The following SMARCAL1 variants were observed in gnomAD, a reference collection of about 807,000 sequenced individuals.
SMARCAL1 encodes the protein SNF2 related chromatin remodeling annealing helicase 1.
In SMARCAL1, 58 loss-of-function variants were observed where a neutral mutation model predicts 94.5. The ratio of observed to expected loss-of-function variants is 0.61; its 90% CI spans 0.50 to 0.76. The LOEUF (loss-of-function observed/expected upper bound fraction) is 0.76. SMARCAL1 is among the 30% of genes least tolerant of loss of function. The pLI, the probability that SMARCAL1 is intolerant of heterozygous loss-of-function variation, is 0.00. For missense variants in SMARCAL1, 1,051 were observed against 1,177.9 expected, an observed-to-expected ratio of 0.89 and a Z score of 1.58; for synonymous variants, 422 against 455.1, an observed-to-expected ratio of 0.93 and a Z score of 0.93.
At chr2:216,457,441 A>G (rs1263502001) in intron 12 of SMARCAL1, among the ~76,000 whole-genome samples, 2 of 152,248 alleles carry the variant, frequency 1.3e-5, no homozygotes, top group Non-Finnish European at 2.9e-5. Context: ...AGTTGGAAGT[A>G]AAGCACTCCT....
intron 14 of SMARCAL1, among the ~76,000 whole-genome samples, chr2:216,474,904 G>A (rs183431417): frequency 7.5e-4 from 114 of 152,242 alleles, no homozygotes; most frequent in African/African-American, 2.4e-3. Flanking sequence ...GTGAATATAT[G>A]AAAACCTACA....
chr2:216,451,194 A>C (rs909064400), intron 12 of SMARCAL1, 130 bp downstream of exon 12: 4 of 769,436 alleles, frequency 5.2e-6, no homozygotes, highest in African/African-American at 5.2e-5. Context: ...TTCCCTAGGC[A>C]AGAACAGCAA....
chr2:216,420,597 T>A, intron 5 of SMARCAL1, 65 bp downstream of exon 5: 1 of 1,282,522 alleles, frequency 7.8e-7, no homozygotes. Context: ...ACATAGGGTG[T>A]TTTTCTCTAC....
intron 11 of SMARCAL1, among the ~76,000 whole-genome samples, chr2:216,448,639 A>T (rs547400126): frequency 1.5e-3 from 229 of 152,294 alleles, no homozygotes; most frequent in Admixed American, 3.0e-3. Context: ...TTTTTCAATT[A>T]AAGCTTGTTG....
At chr2:216,430,576 C>G (rs1693940309) in intron 7 of SMARCAL1, among the ~76,000 whole-genome samples, 1 of 152,146 alleles carries the variant, frequency 6.6e-6, no homozygotes. Context: ...GTTATTGTTC[C>G]TCTGTTATCC....
chr2:216,416,439 A>G, intron 4 of SMARCAL1, 132 bp downstream of exon 4: 1 of 752,878 alleles, frequency 1.3e-6, no homozygotes, highest in South Asian at 1.4e-5. Context: ...CCCCCCCAAC[A>G]CTCCTTCCCA....
intron 11 of SMARCAL1, among the ~76,000 whole-genome samples, chr2:216,450,013 G>A (rs1483793051): frequency 6.6e-6 from 1 of 151,996 alleles, no homozygotes; most frequent in African/African-American, 2.4e-5. Flanking sequence ...ATTTTTGTAT[G>A]TTTAGTAGAG....
chr2:216,446,529 A>G (rs1367640904), intron 10 of SMARCAL1: 2 of 364,376 alleles, frequency 5.5e-6, no homozygotes, highest in Non-Finnish European at 1.1e-5. Context: ...TTCAACTTGC[A>G]TGTCACAGAT....
rs118130604 is a variant in SMARCAL1 at position 216,449,483 on chromosome 2, A to G, written c.1852-1363A>G. ...TGAGCTCATTTGCAAACCACTAACT[A>G]TCTGAAGGCATTTGCTGAGAACTTC... On this transcript the variant is annotated intron_variant, in intron 11 of 17. Transcript: ENST00000357276. Among the ~76,000 whole-genome samples the G allele has an allele frequency of 2.9e-4, 44 of 152,246 alleles. No individual in the cohort carries two copies. The East Asian group carries it at 8.3e-3, about 29-fold the overall frequency.
At chr2:216,426,271 G>T (rs970710352) in intron 6 of SMARCAL1, among the ~76,000 whole-genome samples, 4 of 152,210 alleles carry the variant, frequency 2.6e-5, no homozygotes, top group African/African-American at 9.7e-5. Context: ...GACTTTTATG[G>T]AATGACAAAA....
chr2:216,421,670 T>C (rs1693725131), intron 5 of SMARCAL1, among the ~76,000 whole-genome samples: 1 of 152,168 alleles, frequency 6.6e-6, no homozygotes, highest in Admixed American at 6.5e-5. Context: ...TCTGGACTCC[T>C]GGGTGTCATT....
intron 4 of SMARCAL1, among the ~76,000 whole-genome samples, chr2:216,417,185 G>T (rs1693621138): frequency 1.3e-5 from 2 of 152,206 alleles, no homozygotes; most frequent in Admixed American, 1.3e-4. Context: ...GGGAAAGGTG[G>T]TTTGGGCCAG....
In SMARCAL1 at chr2:216,475,180, G is replaced by T; in HGVS notation, c.2245-89G>T. 7.3e-7 allele frequency: 1 copy of T among 1,362,600 alleles called. No individual in the cohort carries two copies. The allele number at this position is 1,362,600 out of a possible 1,614,324, so 84.4% of individuals were successfully genotyped here. A position where few individuals can be genotyped will look rare whatever the true frequency, so the allele number is the denominator to read the frequency against. ...AGGGGCCTCTGCTGAGCTGGAACCT[G>T]GTTCTGTGCTGGAGCTGTGGCTGGG... is the stretch of plus-strand genomic sequence containing the variant. On this transcript the variant is annotated intron_variant, in intron 14 of 17. Transcript: ENST00000357276. This position sits in a 1 kb window ranked among gnomAD's most constrained non-coding sequence, Gnocchi z 4.4.
In SMARCAL1 at chr2:216,421,138, G is replaced by C. The variant is rs377127636; in HGVS notation, c.1096+606G>C. 1.6e-4 allele frequency among the ~76,000 whole-genome samples: 24 copies of C among 152,234 alleles called. No individual in the cohort carries two copies. The East Asian group carries it at 4.4e-3, about 28-fold the overall frequency. On this transcript the variant is annotated intron_variant, in intron 5 of 17. Transcript: ENST00000357276. ...ATCACAGGGCCACTTCAAAAGCACCGATGCCTGGTTCTTACCCAGAGATGT... is the reference window on the plus strand; with the variant it reads ...ATCACAGGGCCACTTCAAAAGCACCCATGCCTGGTTCTTACCCAGAGATGT...
intron 6 of SMARCAL1, 55 bp from the exon 7 acceptor site, chr2:216,428,541 C>T (rs1055190913): frequency 1.9e-6 from 3 of 1,552,876 alleles, no homozygotes; most frequent in Non-Finnish European, 2.7e-6. Context: ...TCCTCTTTCT[C>T]CAAATCTTTT....
In SMARCAL1 at chr2:216,445,607, A is replaced by T. The variant is rs573056186; in HGVS notation, c.1711-1411A>T. ...TTTTCTCTTTTTGATAAAACTTTTC[A>T]TTTTCCCCTTTTTCATTGAAATGAT... On this transcript the variant is annotated intron_variant, in intron 10 of 17. Coordinates refer to ENST00000357276, the MANE Select transcript of SMARCAL1 (RefSeq NM_014140.4). 1.3e-4 allele frequency among the ~76,000 whole-genome samples: 14 copies of T among 110,654 alleles called. No individual in the cohort carries two copies. In the East Asian group the frequency reaches 3.5e-3, roughly 27 times the overall value. 72.6% of individuals were successfully genotyped at this position (110,654 alleles called of 152,430 possible).
In SMARCAL1 at chr2:216,424,260, G is replaced by T. The variant is rs540081506; in HGVS notation, c.1147+577G>T. ...GTGCAAGAAGAGGAAGCCATTTTGG[G>T]TTTATCATTTTTCTTCTCTGTGTTT... On this transcript the variant is annotated intron_variant, in intron 6 of 17. Transcript: ENST00000357276. Among the ~76,000 whole-genome samples the T allele has an allele frequency of 3.3e-5, 5 of 152,254 alleles. No individual in the cohort carries two copies. In the East Asian group the frequency reaches 9.6e-4, roughly 29 times the overall value.
intron 10 of SMARCAL1, among the ~76,000 whole-genome samples, chr2:216,439,227 A>G (rs1200908383): frequency 6.6e-6 from 1 of 152,124 alleles, no homozygotes; most frequent in Non-Finnish European, 1.5e-5. Flanking sequence ...TCTGATGTGC[A>G]ATATAGGCTC....
At chr2:216,426,907 A>AT (rs1286686269) in intron 6 of SMARCAL1, 3 of 152,228 alleles carry the variant, frequency 2.0e-5, no homozygotes, top group Non-Finnish European at 4.4e-5. Flanking sequence ...AGAAATGACA[A>AT]TAAGACCTGA....
Sources: gnomAD v4.1 joint callset for allele counts (sites outside exome capture counted in the v4.1 genomes callset) on GRCh38, gnomAD v4.1.1 for gene constraint, Gnocchi (gnomAD v3.1) non-coding constraint, MANE v1.5 for transcripts, NCBI Gene and HGNC (gene_info 2026-07-23, HGNC 2026-07-21) for gene names.